The following QRICH2 variants were observed in gnomAD, a reference collection of about 807,000 sequenced individuals.
QRICH2 encodes glutamine-rich protein 2.
Under a neutral mutation model 168.3 loss-of-function variants are expected in QRICH2, and 119 were observed. The observed-to-expected ratio is 0.71, with a 90% CI of 0.61 to 0.82. The LOEUF is 0.82. Among genes scored for constraint, QRICH2 ranks in the 40% least tolerant of loss-of-function variants. QRICH2 has a pLI of 0.00. For synonymous variants in QRICH2, 894 were observed against 951.2 expected, an observed-to-expected ratio of 0.94 and a Z score of 1.11; for missense variants, 2,241 against 2,491.6, an observed-to-expected ratio of 0.90 and a Z score of 2.14.
At chr17:76,308,351 G>A (rs1252894978), upstream of QRICH2, 33 of 985,330 alleles carry the variant, frequency 3.3e-5, no homozygotes, top group Non-Finnish European at 4.0e-5. Flanking sequence ...GGGGGCGGGG[G>A]GAAGTAAAGG....
At chr17:76,304,986 C>T (rs1171870382) in intron 1 of QRICH2, 45 bp from the exon 2 acceptor site, 14 of 1,297,970 alleles carry the variant, frequency 1.1e-5, no homozygotes, top group Non-Finnish European at 1.2e-5. Flanking sequence ...GGCCCCTACA[C>T]ACGCACACTC....
In QRICH2 at chr17:76,291,550, G is replaced by A. The variant is rs1199145759; in HGVS notation, c.3177C>T (p.His1059=). 2 of 1,613,920 alleles carry A rather than the reference G, an allele frequency of 1.2e-6. No individual in the cohort carries two copies. The highest frequency in any genetic ancestry group is 1.3e-5 in the African/African-American group (1 of 74,886). The change falls in exon 4 of 19, where the codon CAC becomes CAT. Residue 1059 remains histidine, a synonymous_variant. Coordinates refer to ENST00000680821, the MANE Select transcript of QRICH2 (RefSeq NM_001388453.1). ...QGLMHPGTDQ[H]SPIPLSTGLG... is the part of the protein sequence containing the mutation. ...AACCTGTACTCAGTGGTATTGGGCTGTGCTGGTCTGTGCCAGGATGCATCA... is the reference window on the plus strand; with the variant it reads ...AACCTGTACTCAGTGGTATTGGGCTATGCTGGTCTGTGCCAGGATGCATCA...
At position 76,281,499 on chromosome 17, in the gene QRICH2, T is replaced by G. The variant is rs184705; in HGVS notation, c.4263+365A>C. Among the ~76,000 whole-genome samples, 77,659 of 152,054 alleles carry G rather than the reference T, an allele frequency of 0.51. 21,111 individuals are homozygous for G. The highest frequency in any genetic ancestry group is 0.7 in the African/African-American group (28,893 of 41,486). On this transcript the variant is annotated intron_variant, in intron 8 of 18. Coordinates refer to ENST00000680821, the MANE Select transcript of QRICH2 (RefSeq NM_001388453.1). The surrounding 1 kb of genome is among the most constrained non-coding windows in gnomAD (Gnocchi z 4.4). Reference sequence around the variant, plus strand: ...CCCCCACCAGCAAGCCTGCCCTTTCTAGGGAAATTGAGAAGGGGTTGGAAG... The same window carrying G: ...CCCCCACCAGCAAGCCTGCCCTTTCGAGGGAAATTGAGAAGGGGTTGGAAG...
intron 12 of QRICH2, 95 bp downstream of exon 12, chr17:76,279,938 G>A (rs1484391864): frequency 7.1e-7 from 1 of 1,416,016 alleles, no homozygotes; most frequent in South Asian, 1.4e-5. Flanking sequence ...TCCGCTGTGT[G>A]CTGGCAGGAG....
At chr17:76,283,402 C>T (rs924821996) in intron 7 of QRICH2, among the ~76,000 whole-genome samples, 4 of 152,194 alleles carry the variant, frequency 2.6e-5, no homozygotes, top group Non-Finnish European at 1.5e-5. Context: ...GAGGCTAGGC[C>T]AGCCCAACAG....
rs926399747 is a variant in QRICH2, at chr17:76,281,470, C to T, written c.4263+394G>A. 6.6e-6 allele frequency among the ~76,000 whole-genome samples: 1 copy of T among 152,140 alleles called. No individual in the cohort carries two copies. Among genetic ancestry groups the T allele is most frequent in the African/African-American group, 2.4e-5 (1 of 41,430 alleles). On this transcript the variant is annotated intron_variant, in intron 8 of 18. Coordinates refer to ENST00000680821, the MANE Select transcript of QRICH2 (RefSeq NM_001388453.1). This position sits in a 1 kb window ranked among gnomAD's most constrained non-coding sequence, Gnocchi z 4.4. ...GCAGGACCCAGGATTTGTGGCTGTG[C>T]CCGCCCCCACCAGCAAGCCTGCCCT...
chr17:76,306,819 G>A (rs756029688), intron 1 of QRICH2, among the ~76,000 whole-genome samples: 2 of 151,894 alleles, frequency 1.3e-5, no homozygotes, highest in South Asian at 2.1e-4. Flanking sequence ...TCTGGGAGGC[G>A]GAAGTTGCAG....
rs1190472434 is a variant in QRICH2, at chr17:76,303,069, G to T, written c.705+1346C>A. Among the ~76,000 whole-genome samples, 9 of 151,904 alleles carry T rather than the reference G, an allele frequency of 5.9e-5. 1 individual carries two copies. The East Asian group carries it at 1.6e-3, about 26-fold the overall frequency. The stretch of plus-strand genomic sequence containing the variant: ...CACCTAATTTTTGTATTTTTGGTAG[G>T]GACAGGGTTTCATCATGTTGTCCAG... On this transcript the variant is annotated intron_variant, in intron 3 of 18. Coordinates refer to ENST00000680821, the MANE Select transcript of QRICH2 (RefSeq NM_001388453.1).
chr17:76,308,229 C>G lies in QRICH2; in HGVS notation c.-231G>C, dbSNP rs1476250601. On this transcript the variant is annotated 5_prime_UTR_variant, in exon 1 of 19. Coordinates refer to ENST00000680821, the MANE Select transcript of QRICH2 (RefSeq NM_001388453.1). ...CCGCTGTCTGTCGCTGGCCTCGGGT[C>G]CCCGAGCTGGAGCCCTGGACTCCCA... is the stretch of plus-strand genomic sequence containing the variant. 1.0e-6 allele frequency: 1 copy of G among 985,318 alleles called. No homozygotes were observed. Among genetic ancestry groups the G allele is most frequent in the Non-Finnish European group, 1.2e-6 (1 of 829,912 alleles). The allele number at this position is 985,318 out of a possible 1,614,324, so 61.0% of individuals were successfully genotyped here. A position where few individuals can be genotyped will look rare whatever the true frequency, so the allele number is the denominator to read the frequency against.
rs2071010058 is a variant in QRICH2, at chr17:76,307,555, C to T, written c.444G>A (p.Pro148=). The T allele has an allele frequency of 4.4e-6, 7 of 1,589,380 alleles. No homozygotes were observed. The highest frequency in any genetic ancestry group is 1.3e-5 in the African/African-American group (1 of 74,112). The change falls in exon 1 of 19, where the codon CCG becomes CCA. Residue 148 remains proline (P), a synonymous_variant. Transcript: ENST00000680821. This position sits in a 1 kb window ranked among gnomAD's most constrained non-coding sequence, Gnocchi z 5.3. ...SGLDLAALEW[P]EEQEVGVRAF... Reference sequence around the variant, plus strand: ...CCCGCACGCCCACCTCCTGCTCCTCCGGCCACTCTAGCGCGGCCAGGTCAA... The same window carrying T: ...CCCGCACGCCCACCTCCTGCTCCTCTGGCCACTCTAGCGCGGCCAGGTCAA...
intron 3 of QRICH2, 33 bp downstream of exon 3, chr17:76,304,382 C>T (rs750362462): frequency 1.4e-6 from 2 of 1,480,548 alleles, no homozygotes. Context: ...GGAGCCCCAC[C>T]CAAGACCACG....
chr17:76,283,439 C>G (rs754476175), intron 7 of QRICH2, among the ~76,000 whole-genome samples: 1 of 152,152 alleles, frequency 6.6e-6, no homozygotes. Context: ...TGAGTGTGGT[C>G]CTGGGACAGC....
intron 3 of QRICH2, among the ~76,000 whole-genome samples, chr17:76,303,013 A>G (rs2070930437): frequency 6.6e-6 from 1 of 151,872 alleles, no homozygotes; most frequent in Non-Finnish European, 1.5e-5. Flanking sequence ...TCTCCTGAGT[A>G]ACTGCGATTA....
chr17:76,282,167 C>T (rs758239770), intron 7 of QRICH2, 52 bp from the exon 8 acceptor site: 29 of 1,549,458 alleles, frequency 1.9e-5, no homozygotes, highest in African/African-American at 4.0e-5. Context: ...GTCACGGCCA[C>T]GCTCTGCCCA....
intron 3 of QRICH2, among the ~76,000 whole-genome samples, chr17:76,300,228 A>C (rs2070876665): frequency 6.6e-6 from 1 of 152,130 alleles, no homozygotes; most frequent in Non-Finnish European, 1.5e-5. Flanking sequence ...ACTTACACAT[A>C]AGCATAGACA....
chr17:76,293,680 G>A lies in QRICH2; in HGVS notation c.1047C>T (p.Thr349=), dbSNP rs1328699672. The change falls in exon 4 of 19, where the codon ACC becomes ACT. Residue 349 remains threonine, a synonymous_variant. Transcript: ENST00000680821. The part of the protein sequence containing the change: ...SDRHRSREKL[T]STQPRRNARP... ...GTGCATTTCTTCTTGGTTGTGTCGA[G>A]GTAAGCTTCTCTCTACTCCTGTGAC... is the stretch of plus-strand genomic sequence containing the variant. 1.2e-6 allele frequency: 2 copies of A among 1,614,180 alleles called. No individual in the cohort carries two copies. Among genetic ancestry groups the A allele is most frequent in the Admixed American group, 1.7e-5 (1 of 60,010 alleles).
Position 76,291,627 on chromosome 17 carries a change from G to A in QRICH2, c.3100C>T (p.Pro1034Ser), listed in dbSNP as rs894816310. 1 of 1,614,056 alleles carries A rather than the reference G, an allele frequency of 6.2e-7. No individual in the cohort carries two copies. Among genetic ancestry groups the A allele is most frequent in the African/African-American group, 1.3e-5 (1 of 74,918 alleles). Residue 1034 changes from proline to serine, a missense_variant, in exon 4 of 19, where the codon CCT becomes TCT. Physicochemically the swap from Pro to Ser is moderately conservative, Grantham distance 74 (BLOSUM62 -1). Transcript: ENST00000680821. The part of the protein sequence containing the change: ...PLLASQGLAS[P>S]GIDRRSLVPP... ...ACCAAACTCCTTCGATCTATACCAG[G>A]TGATGCCAAACCTTGACTGGCTAGG... is the stretch of plus-strand genomic sequence containing the variant.
intron 3 of QRICH2, among the ~76,000 whole-genome samples, chr17:76,299,486 T>C (rs1204557209): frequency 2.0e-5 from 3 of 151,796 alleles, no homozygotes; most frequent in African/African-American, 4.8e-5. Flanking sequence ...CCTGTAATCC[T>C]AGCACTTTGG....
chr17:76,300,858 C>A (rs541675439), intron 3 of QRICH2, among the ~76,000 whole-genome samples: 3 of 152,102 alleles, frequency 2.0e-5, no homozygotes, highest in Non-Finnish European at 4.4e-5. Context: ...TTAAGACCAG[C>A]CTGGCCAACA....
Sources: gnomAD v4.1 joint callset for allele counts (sites outside exome capture counted in the v4.1 genomes callset) on GRCh38, gnomAD v4.1.1 for gene constraint, Gnocchi (gnomAD v3.1) non-coding constraint, MANE v1.5 for transcripts, NCBI Gene and HGNC (gene_info 2026-07-23, HGNC 2026-07-21) for gene names.